Variants in C12orf42 observed in about 807,000 individuals in gnomAD.
C12orf42 encodes chromosome 12 open reading frame 42, also known as uncharacterized protein C12orf42.
In C12orf42, 25 loss-of-function variants were observed where a neutral mutation model predicts 21.6. The observed-to-expected ratio is 1.16, with a 90% CI of 0.84 to 1.62. The LOEUF (loss-of-function observed/expected upper bound fraction) is 1.62, where lower values mean the gene tolerates loss of function less well. Ranked by LOEUF, C12orf42 falls within the 40% of genes most tolerant of loss-of-function variation. The probability of loss-of-function intolerance (pLI) is 0.00; values close to 1 mark genes in which losing one functional copy is unlikely to be tolerated. For missense variants in C12orf42, 483 were observed against 459.3 expected (o/e 1.05, Z -0.47); for synonymous variants, 174 against 175.0 (o/e 0.99, Z 0.05).
the C12orf42 span, among the ~76,000 whole-genome samples, chr12:103,120,388 A>G: frequency 6.6e-6 from 1 of 152,240 alleles, no homozygotes; most frequent in Non-Finnish European, 1.5e-5. Context: ...ATAAACAAAA[A>G]GGACATAGCC....
At chr12:103,215,601 T>C in the C12orf42 span, among the ~76,000 whole-genome samples, 1 of 152,218 alleles carries the variant, frequency 6.6e-6, no homozygotes, top group Non-Finnish European at 1.5e-5. Context: ...GCAGTAATCC[T>C]GGATAAGAGA....
chr12:103,054,914 G>A, the C12orf42 span, among the ~76,000 whole-genome samples: 1 of 151,764 alleles, frequency 6.6e-6, no homozygotes, highest in African/African-American at 2.4e-5. Context: ...TGCATCTCTA[G>A]AATAAACCTC....
chr12:103,495,088 C>T (rs1380823770), intron 1 of C12orf42, among the ~76,000 whole-genome samples: 1 of 151,532 alleles, frequency 6.6e-6, no homozygotes, highest in Non-Finnish European at 1.5e-5. Flanking sequence ...AAATCCATTC[C>T]TCTGGTCTTC....
the C12orf42 span, among the ~76,000 whole-genome samples, chr12:103,554,616 G>A: frequency 2.6e-5 from 4 of 152,036 alleles, no homozygotes; most frequent in African/African-American, 9.7e-5. Context: ...TGGTTCTATG[G>A]GCTGTACAGG....
chr12:103,478,792 T>C (rs770643806), intron 1 of C12orf42, among the ~76,000 whole-genome samples: 5 of 152,080 alleles, frequency 3.3e-5, no homozygotes, highest in Admixed American at 6.6e-5. Context: ...AAGTGGGGGT[T>C]GCACTGTAAT....
intron 4 of C12orf42, among the ~76,000 whole-genome samples, chr12:103,335,184 G>A (rs2041585059): frequency 6.6e-6 from 1 of 152,182 alleles, no homozygotes; most frequent in African/African-American, 2.4e-5. Flanking sequence ...TATAAAGATT[G>A]GGACATCAGA....
At chr12:103,452,993 C>T (rs141500113) in intron 2 of C12orf42, among the ~76,000 whole-genome samples, 1,674 of 151,044 alleles carry the variant, frequency 0.011, 45 homozygotes, top group African/African-American at 0.039. Flanking sequence ...ACTTGCATGT[C>T]GTGCACATGT....
the C12orf42 span, among the ~76,000 whole-genome samples, chr12:103,193,399 GAAAT>G: frequency 6.6e-6 from 1 of 150,862 alleles, no homozygotes. Flanking sequence ...TGTCAAGGCA[GAAAT>G]AAATAAAGGA....
intron 4 of C12orf42, among the ~76,000 whole-genome samples, chr12:103,361,209 G>A (rs181076090): frequency 1.8e-3 from 274 of 152,226 alleles, no homozygotes; most frequent in African/African-American, 6.1e-3. Flanking sequence ...GAGCGCCCAA[G>A]TTGTGAAAGT....
chr12:103,265,042 C>T (rs142460449), downstream of C12orf42, among the ~76,000 whole-genome samples: 5 of 152,190 alleles, frequency 3.3e-5, no homozygotes, highest in East Asian at 1.9e-4. Context: ...CCAGCATGGT[C>T]GGGTTCTAAT....
intron 3 of C12orf42, among the ~76,000 whole-genome samples, chr12:103,400,741 C>T (rs996883656): frequency 6.6e-6 from 1 of 152,142 alleles, no homozygotes; most frequent in Non-Finnish European, 1.5e-5. Context: ...TGCTACTTTT[C>T]TGCAAGCTGT....
At chr12:103,196,945 G>C in the C12orf42 span, among the ~76,000 whole-genome samples, 2,907 of 152,140 alleles carry the variant, frequency 0.019, 35 homozygotes, top group East Asian at 0.028. Context: ...GTGCAGATTT[G>C]ATCCTGTCAT....
At chr12:103,068,689 C>A in the C12orf42 span, among the ~76,000 whole-genome samples, 1 of 151,636 alleles carries the variant, frequency 6.6e-6, no homozygotes, top group Non-Finnish European at 1.5e-5. Context: ...ATTGAAAAGG[C>A]TAGACTGGCT....
chr12:103,272,990 A>G (rs1219234255), intron 5 of C12orf42, among the ~76,000 whole-genome samples: 1 of 152,176 alleles, frequency 6.6e-6, no homozygotes, highest in Non-Finnish European at 1.5e-5. Flanking sequence ...TACTTTGCTC[A>G]TTTGTTCCAG....
At chr12:103,217,050 C>T in the C12orf42 span, among the ~76,000 whole-genome samples, 1 of 151,974 alleles carries the variant, frequency 6.6e-6, no homozygotes, top group East Asian at 1.9e-4. Flanking sequence ...ACCGTGTTGG[C>T]GAGGGTTGTC....
chr12:103,333,370 A>G lies in C12orf42; in HGVS notation c.260-27025T>C, dbSNP rs189594432. ...TTATAGAGTATTTGTTACATAGTAA[A>G]TGCTCAATAAATGTCAGTCATTATT... On this transcript the variant is annotated intron_variant, in intron 4 of 5. Coordinates refer to ENST00000548883, the MANE Select transcript of C12orf42 (RefSeq NM_198521.5). 3.0e-4 allele frequency among the ~76,000 whole-genome samples: 46 copies of G among 152,372 alleles called. 1 individual carries two copies. Among genetic ancestry groups the G allele is most frequent in the Admixed American group, 2.5e-3 (39 of 15,308 alleles).
At chr12:103,153,866 T>C in the C12orf42 span, among the ~76,000 whole-genome samples, 1 of 151,996 alleles carries the variant, frequency 6.6e-6, no homozygotes, top group African/African-American at 2.4e-5. Context: ...GAATATTTCA[T>C]AGCATCGCTA....
chr12:103,478,471 A>T, intron 1 of C12orf42, 24 bp from the exon 2 acceptor site: 1 of 1,233,778 alleles, frequency 8.1e-7, no homozygotes, highest in Non-Finnish European at 1.1e-6. Flanking sequence ...ATGGAGAAAG[A>T]AGAGCAGGTT....
chr12:103,199,622 C>A, the C12orf42 span, among the ~76,000 whole-genome samples: 7 of 152,182 alleles, frequency 4.6e-5, no homozygotes, highest in Non-Finnish European at 8.8e-5. Context: ...AGCAAAAAAA[C>A]AAATAACCTA....
Sources: allele counts gnomAD v4.1 joint callset (sites outside exome capture counted in the v4.1 genomes callset), GRCh38; gene constraint gnomAD v4.1.1; transcripts MANE v1.5; gene names NCBI Gene and HGNC (gene_info 2026-07-23, HGNC 2026-07-21).